ASTN1: variants seen among roughly 807,000 people sequenced by gnomAD.
ASTN1 encodes the protein astrotactin 1.
ASTN1 carries 41 observed loss-of-function variants against 140.7 expected under a neutral mutation model. The ratio of observed to expected loss-of-function variants is 0.29; its 90% confidence interval spans 0.23 to 0.38. The LOEUF (loss-of-function observed/expected upper bound fraction) is 0.38. ASTN1 is among the 10% of genes least tolerant of loss of function. ASTN1 has a pLI of 1.00. For missense variants in ASTN1, 1,479 were observed against 1,678.8 expected, an observed-to-expected ratio of 0.88 and a Z score of 2.08; for synonymous variants, 640 against 652.2, an observed-to-expected ratio of 0.98 and a Z score of 0.29.
chr1:176,946,884 G>T (rs750671161), intron 12 of ASTN1, among the ~76,000 whole-genome samples: 27 of 152,188 alleles, frequency 1.8e-4, no homozygotes, highest in Non-Finnish European at 2.8e-4. Context: ...ATAGTGAGAA[G>T]AATTTACATT....
At chr1:177,016,256 C>A (rs1675539406) in intron 7 of ASTN1, among the ~76,000 whole-genome samples, 1 of 151,312 alleles carries the variant, frequency 6.6e-6, no homozygotes, top group Non-Finnish European at 1.5e-5. Context: ...CCATTTTTGT[C>A]CCCCACAGCA....
At chr1:177,076,344 C>T (rs1182039289) in intron 1 of ASTN1, among the ~76,000 whole-genome samples, 2 of 150,938 alleles carry the variant, frequency 1.3e-5, no homozygotes, top group African/African-American at 4.9e-5. Flanking sequence ...AGAAATCCCT[C>T]ACACCATGCA....
intron 1 of ASTN1, among the ~76,000 whole-genome samples, chr1:177,143,676 T>G (rs1682571651): frequency 1.3e-5 from 2 of 152,366 alleles, no homozygotes; most frequent in Non-Finnish European, 2.9e-5. Context: ...AAATTTACTT[T>G]AAATAAACTT....
At chr1:177,151,966 T>C (rs1484074386) in intron 1 of ASTN1, among the ~76,000 whole-genome samples, 1 of 152,074 alleles carries the variant, frequency 6.6e-6, no homozygotes, top group Non-Finnish European at 1.5e-5. Context: ...TTAGGTTATG[T>C]CCTTGACTGG....
chr1:176,981,220 A>AAG, intron 8 of ASTN1, among the ~76,000 whole-genome samples: 1 of 134,950 alleles, frequency 7.4e-6, no homozygotes, highest in Non-Finnish European at 1.5e-5. Flanking sequence ...TCAAAAAAAA[A>AAG]AAAAAAAAAA....
intron 8 of ASTN1, among the ~76,000 whole-genome samples, chr1:177,006,268 T>C (rs1674988998): frequency 6.6e-6 from 1 of 152,134 alleles, no homozygotes; most frequent in African/African-American, 2.4e-5. Context: ...AACAAAAATA[T>C]ATACAGAATT....
intron 8 of ASTN1, among the ~76,000 whole-genome samples, chr1:177,002,557 TG>T (rs1355565582): frequency 3.3e-5 from 5 of 152,224 alleles, no homozygotes; most frequent in Non-Finnish European, 5.9e-5. Context: ...TTTGCTGTTT[TG>T]TTTTTTTCTA....
chr1:176,927,618 A>T, intron 16 of ASTN1, among the ~76,000 whole-genome samples: 1 of 152,208 alleles, frequency 6.6e-6, no homozygotes, highest in East Asian at 1.9e-4. Flanking sequence ...AAGAAAATAT[A>T]AAGGATCCAT....
chr1:177,157,141 T>C (rs1683273343), intron 1 of ASTN1, among the ~76,000 whole-genome samples: 1 of 152,212 alleles, frequency 6.6e-6, no homozygotes, highest in Admixed American at 6.5e-5. Flanking sequence ...GTGTAGACTT[T>C]TGTTAAAAAT....
chr1:177,048,852 A>T (rs1180001200), intron 2 of ASTN1, among the ~76,000 whole-genome samples: 3 of 152,172 alleles, frequency 2.0e-5, no homozygotes, highest in African/African-American at 7.2e-5. Flanking sequence ...TTCACAGACC[A>T]AAGGCACCTG....
At chr1:177,075,523 G>GT (rs559446922) in intron 1 of ASTN1, among the ~76,000 whole-genome samples, 323 of 151,636 alleles carry the variant, frequency 2.1e-3, no homozygotes, top group African/African-American at 7.5e-3. Context: ...GTTGTCTTTG[G>GT]TTTTTTATAA....
At position 177,164,631 on chromosome 1, in the gene ASTN1, G is replaced by A. The variant is rs1310821264; in HGVS notation, c.46C>T (p.Pro16Ser). The A allele has an allele frequency of 6.2e-7, 1 of 1,607,120 alleles. No homozygotes were observed. ...GCGGCCGTGGCCAGCACCGCCGCCGGCCCCCAGCAGCAGGCGAGCAGGGCG... is the reference window on the plus strand; with the variant it reads ...GCGGCCGTGGCCAGCACCGCCGCCGACCCCCAGCAGCAGGCGAGCAGGGCG... ...LCALLACCWG[P>S]AAVLATAAGD... is the part of the protein sequence containing the mutation. The change falls in exon 1 of 23, where the codon CCG becomes TCG. Residue 16 changes from proline (P) to serine (S), a missense_variant. Pro to Ser is a moderately conservative substitution (Grantham distance 74, BLOSUM62 -1). Transcript: ENST00000361833.
chr1:177,112,667 A>T (rs1265464330), intron 1 of ASTN1, among the ~76,000 whole-genome samples: 2 of 152,106 alleles, frequency 1.3e-5, no homozygotes, highest in East Asian at 3.8e-4. Context: ...TTTGGGCTTG[A>T]GATTTTAGCC....
At chr1:176,884,195 G>C in intron 19 of ASTN1, 144 bp downstream of exon 19, 1 of 951,012 alleles carries the variant, frequency 1.1e-6, no homozygotes, top group Non-Finnish European at 1.5e-6. Flanking sequence ...TGGAGAAGAA[G>C]AACAGCTTCT....
intron 19 of ASTN1, 56 bp from the exon 20 acceptor site, chr1:176,883,050 G>T (rs2103026725): frequency 6.2e-7 from 1 of 1,600,474 alleles, no homozygotes; most frequent in Non-Finnish European, 8.6e-7. Context: ...GCCAAGCAAT[G>T]AGGAGATGGA....
intron 1 of ASTN1, among the ~76,000 whole-genome samples, chr1:177,080,275 A>G (rs1161902074): frequency 6.6e-6 from 1 of 151,594 alleles, no homozygotes; most frequent in Non-Finnish European, 1.5e-5. Flanking sequence ...AAAAAAAAAA[A>G]AAAAAACCGG....
intron 16 of ASTN1, among the ~76,000 whole-genome samples, chr1:176,925,401 G>A (rs1670912297): frequency 6.6e-6 from 1 of 152,304 alleles, no homozygotes; most frequent in Admixed American, 6.5e-5. Flanking sequence ...CTGGGAGCTT[G>A]TCAGAAACGC....
chr1:176,963,701 T>C (rs1672760616), intron 9 of ASTN1, among the ~76,000 whole-genome samples: 1 of 152,210 alleles, frequency 6.6e-6, no homozygotes, highest in Non-Finnish European at 1.5e-5. Context: ...TTTCTGACTT[T>C]TAGGGAATGG....
At chr1:176,982,657 C>T (rs149057304) in intron 8 of ASTN1, among the ~76,000 whole-genome samples, 52 of 152,270 alleles carry the variant, frequency 3.4e-4, no homozygotes, top group Admixed American at 8.5e-4. Flanking sequence ...ACCAGAATCA[C>T]CTGGAGAACT....
Sources: allele counts gnomAD v4.1 joint callset (sites outside exome capture counted in the v4.1 genomes callset), GRCh38; gene constraint gnomAD v4.1.1; transcripts MANE v1.5; gene names NCBI Gene and HGNC (gene_info 2026-07-23, HGNC 2026-07-21).